Variants in DDX60 observed in about 807,000 individuals in gnomAD.
DDX60 encodes the protein DExD/H-box helicase 60.
DDX60 carries 165 observed loss-of-function variants against 212.8 expected under a neutral mutation model. The observed-to-expected ratio is 0.78, with a 90% CI of 0.68 to 0.88. The LOEUF (loss-of-function observed/expected upper bound fraction) is 0.88. Among genes scored for constraint, DDX60 ranks in the 40% least tolerant of loss-of-function variants. The pLI, the probability that DDX60 is intolerant of heterozygous loss-of-function variation, is 0.00. For synonymous variants in DDX60, 703 were observed against 685.3 expected (o/e 1.03, Z -0.40); for missense variants, 1,905 against 2,003.9 (o/e 0.95, Z 0.94).
At chr4:168,248,845 C>T (rs145898351) in intron 28 of DDX60, among the ~76,000 whole-genome samples, 8,854 of 152,034 alleles carry the variant, frequency 0.058, 445 homozygotes, top group East Asian at 0.15. Flanking sequence ...CTGCAACCTC[C>T]ACCTCCCAGG....
At chr4:168,217,951 C>A (rs927424182) in intron 37 of DDX60, among the ~76,000 whole-genome samples, 1 of 152,126 alleles carries the variant, frequency 6.6e-6, no homozygotes, top group East Asian at 1.9e-4. Flanking sequence ...GTTTAAGCCA[C>A]TAGGTTTGTG....
At chr4:168,224,460 A>G in intron 34 of DDX60, 75 bp from the exon 35 acceptor site, 3 of 1,446,288 alleles carry the variant, frequency 2.1e-6, no homozygotes, top group East Asian at 4.6e-5. Flanking sequence ...CTTTCTCTAG[A>G]CCATGTTACA....
intron 13 of DDX60, 135 bp downstream of exon 13, chr4:168,283,311 C>A: frequency 1.4e-6 from 1 of 724,204 alleles, no homozygotes; most frequent in South Asian, 2.0e-5. Flanking sequence ...AATAAGTAAT[C>A]ATATACAAAA....
At chr4:168,248,392 T>A (rs1734095813) in intron 28 of DDX60, 100 bp from the exon 29 acceptor site, 2 of 776,944 alleles carry the variant, frequency 2.6e-6, no homozygotes, top group Non-Finnish European at 3.9e-6. Flanking sequence ...GAGCTTCAAT[T>A]AAGCCACAAT....
chr4:168,280,369 C>T lies in DDX60; in HGVS notation c.1944G>A (p.Leu648=). ...QVEMVGLTAC[L]KAWKEHCRSE... is the part of the protein sequence containing the mutation. Reference sequence around the variant, plus strand: ...TTCGGCAATGTTCTTTCCAGGCTTTCAAGCAAGCAGTTAACCCCACCATTT... The same window carrying T: ...TTCGGCAATGTTCTTTCCAGGCTTTTAAGCAAGCAGTTAACCCCACCATTT... The change falls in exon 14 of 38, where the codon TTG becomes TTA. Residue 648 remains leucine (L), a synonymous_variant. Transcript: ENST00000393743. 6.2e-7 allele frequency: 1 copy of T among 1,613,524 alleles called. No homozygotes were observed. The highest frequency in any genetic ancestry group is 8.5e-7 in the Non-Finnish European group (1 of 1,179,844).
intron 3 of DDX60, among the ~76,000 whole-genome samples, chr4:168,309,709 T>C (rs1247366176): frequency 6.6e-6 from 1 of 152,094 alleles, no homozygotes; most frequent in African/African-American, 2.4e-5. Flanking sequence ...GCTTTAAAAA[T>C]GTCAAGATAA....
Position 168,252,633 on chromosome 4 carries a change from G to T in DDX60, c.3581C>A (p.Thr1194Asn), listed in dbSNP as rs775193865. ...TATTAGGCTTTGATCCACATTTCTGGTTTTTTTCTGGCTCTTTTCATCTCT... is the reference window on the plus strand; with the variant it reads ...TATTAGGCTTTGATCCACATTTCTGTTTTTTTTCTGGCTCTTTTCATCTCT... ...KIIDEKSQKKTRNVDQSLIHE... is the reference protein window; with the variant it reads ...KIIDEKSQKKNRNVDQSLIHE... The change falls in exon 27 of 38, where the codon ACC (threonine) becomes AAC (asparagine). Residue 1194 changes from threonine (T) to asparagine (N), a missense_variant. Physicochemically the swap from Thr to Asn is moderately conservative, Grantham distance 65. Coordinates refer to ENST00000393743, the MANE Select transcript of DDX60 (RefSeq NM_017631.6). 33 of 1,609,724 alleles carry T rather than the reference G, an allele frequency of 2.1e-5. No homozygotes were observed. Among genetic ancestry groups the T allele is most frequent in the Admixed American group, 6.7e-5 (4 of 59,546 alleles).
chr4:168,321,216 G>A (rs556533247), upstream of DDX60, among the ~76,000 whole-genome samples: 19 of 151,856 alleles, frequency 1.3e-4, no homozygotes, highest in African/African-American at 1.7e-4. Flanking sequence ...TGATAGTCAC[G>A]TACTTTATTT....
intron 22 of DDX60, among the ~76,000 whole-genome samples, chr4:168,264,978 A>C (rs1403035978): frequency 6.6e-6 from 1 of 152,204 alleles, no homozygotes; most frequent in South Asian, 2.1e-4. Flanking sequence ...CCCTAATGTC[A>C]TAGGTGACGG....
chr4:168,310,244 A>T (rs2149553250), intron 3 of DDX60, among the ~76,000 whole-genome samples: 1 of 152,278 alleles, frequency 6.6e-6, no homozygotes, highest in Non-Finnish European at 1.5e-5. Context: ...CCTTTAGATC[A>T]GAGTGTCATA....
chr4:168,283,993 T>C (rs1013789177), intron 12 of DDX60, among the ~76,000 whole-genome samples: 4 of 152,148 alleles, frequency 2.6e-5, no homozygotes, highest in Non-Finnish European at 4.4e-5. Flanking sequence ...CTCCGGACCA[T>C]AGCCATAGAG....
At chr4:168,304,338 TTTTTC>T (rs1736782748) in intron 5 of DDX60, among the ~76,000 whole-genome samples, 1 of 152,074 alleles carries the variant, frequency 6.6e-6, no homozygotes, top group Non-Finnish European at 1.5e-5. Flanking sequence ...TTTGCATCTT[TTTTTC>T]TTTTAAGAAA....
rs140289638 is a variant in DDX60 at position 168,220,821 on chromosome 4, T to C, written c.4977-104A>G. ...ATCAGTAAGAGGTTGCTTTTGTCTG[T>C]CAAGATCTCTTTCCAAAAATTATTT... On this transcript the variant is annotated intron_variant, in intron 36 of 37. Transcript: ENST00000393743. The C allele has an allele frequency of 1.4e-4, 77 of 546,536 alleles. No individual in the cohort carries two copies. In the Middle Eastern group the frequency reaches 2.3e-3, roughly 16 times the overall value. 33.9% of individuals were successfully genotyped at this position (546,536 alleles called of 1,614,324 possible). A position where few individuals can be genotyped will look rare whatever the true frequency, so the allele number is the denominator to read the frequency against.
chr4:168,297,768 G>A (rs867217372), intron 6 of DDX60, among the ~76,000 whole-genome samples: 3 of 151,976 alleles, frequency 2.0e-5, no homozygotes, highest in Non-Finnish European at 4.4e-5. Flanking sequence ...TGGTGGCACA[G>A]GCCTGTAGTT....
intron 1 of DDX60, among the ~76,000 whole-genome samples, chr4:168,312,743 T>TAGATAGATAGATAGATAGATAGATAGAC (rs990715384): frequency 5.3e-5 from 8 of 152,080 alleles, no homozygotes; most frequent in Non-Finnish European, 1.0e-4. Context: ...GATAGATAGA[T>TAGATAGATAGATAGATAGATAGATAGAC]AGATATGATA....
chr4:168,230,804 C>T (rs910105638), intron 33 of DDX60, among the ~76,000 whole-genome samples: 2 of 151,904 alleles, frequency 1.3e-5, no homozygotes, highest in Non-Finnish European at 2.9e-5. Context: ...ACAAACCAAA[C>T]CCAAACCCAG....
chr4:168,296,317 T>C (rs961484930), intron 6 of DDX60, among the ~76,000 whole-genome samples: 2 of 151,928 alleles, frequency 1.3e-5, no homozygotes, highest in African/African-American at 4.8e-5. Context: ...TTAAAAAGAA[T>C]AGAAACTATT....
chr4:168,249,306 T>C (rs1485060953), intron 28 of DDX60, among the ~76,000 whole-genome samples: 3 of 152,210 alleles, frequency 2.0e-5, no homozygotes. Flanking sequence ...TTTCATATAA[T>C]GCTGGGTATT....
chr4:168,319,219 A>T (rs1194849450), upstream of DDX60, among the ~76,000 whole-genome samples: 1 of 152,202 alleles, frequency 6.6e-6, no homozygotes, highest in Non-Finnish European at 1.5e-5. Flanking sequence ...ACTAAAAAAA[A>T]CCTTAAAAGA....
Sources: gnomAD v4.1 joint callset for allele counts (sites outside exome capture counted in the v4.1 genomes callset) on GRCh38, gnomAD v4.1.1 for gene constraint, MANE v1.5 for transcripts, NCBI Gene and HGNC (gene_info 2026-07-23, HGNC 2026-07-21) for gene names.